The following TMBIM6 variants were observed in gnomAD, a reference collection of about 807,000 sequenced individuals.
TMBIM6 encodes transmembrane BAX inhibitor motif containing 6.
In TMBIM6, 13 loss-of-function variants were observed where a neutral mutation model predicts 31.4. The ratio of observed to expected loss-of-function variants is 0.41; its 90% confidence interval spans 0.27 to 0.66. The LOEUF is 0.66. Among genes scored for constraint, TMBIM6 ranks in the 30% least tolerant of loss-of-function variants. The pLI is 0.28. For missense variants in TMBIM6, 275 were observed against 289.5 expected (o/e 0.95, Z 0.36); for synonymous variants, 85 against 101.7 (o/e 0.84, Z 0.99).
chr12:49,752,588 C>G, intron 2 of TMBIM6, 39 bp downstream of exon 2: 1 of 1,464,218 alleles, frequency 6.8e-7, no homozygotes, highest in East Asian at 2.3e-5. Flanking sequence ...TACTGCATTT[C>G]TTTTCATATC....
intron 1 of TMBIM6, among the ~76,000 whole-genome samples, chr12:49,744,039 T>G (rs1399878148): frequency 2.6e-5 from 4 of 152,188 alleles, no homozygotes; most frequent in African/African-American, 9.7e-5. Context: ...GTGGCAGCAC[T>G]TGTGACACCA....
chr12:49,752,041 G>C (rs1248692489), intron 1 of TMBIM6, among the ~76,000 whole-genome samples: 1 of 152,122 alleles, frequency 6.6e-6, no homozygotes, highest in Admixed American at 6.6e-5. Flanking sequence ...TGGGATTATA[G>C]GCCTCAGTGA....
At position 49,758,473 on chromosome 12, in the gene TMBIM6, T is replaced by G. The variant is rs1945649673; in HGVS notation, c.426T>G (p.Phe142Leu). The change falls in exon 6 of 10, where the codon TTT becomes TTG. Residue 142 changes from phenylalanine (F) to leucine (L), a missense_variant. Transcript: ENST00000267115. ...ATGCCAGGCGCCGTAGCTACCTCTTTCTGGGAGGTAAGTGTGAACTGGGAA... is the reference window on the plus strand; with the variant it reads ...ATGCCAGGCGCCGTAGCTACCTCTTGCTGGGAGGTAAGTGTGAACTGGGAA... ...ALYARRRSYL[F>L]LGGILMSALS... 2.5e-6 allele frequency: 4 copies of G among 1,614,052 alleles called. No homozygotes were observed. The highest frequency in any genetic ancestry group is 2.2e-5 in the East Asian group (1 of 44,892).
intron 1 of TMBIM6, chr12:49,742,111 T>G: frequency 6.2e-7 from 1 of 1,605,060 alleles, no homozygotes; most frequent in Non-Finnish European, 8.5e-7. Context: ...GAGCCAAGAC[T>G]CGAGGTAGGG....
intron 1 of TMBIM6, chr12:49,749,838 C>T (rs1945463281): frequency 6.6e-6 from 1 of 152,170 alleles, no homozygotes; most frequent in South Asian, 2.1e-4. Flanking sequence ...CAATTTCTCC[C>T]AGTGATAGGT....
chr12:49,762,470 C>G (rs570351486), intron 9 of TMBIM6, among the ~76,000 whole-genome samples: 44 of 152,340 alleles, frequency 2.9e-4, no homozygotes, highest in African/African-American at 1.0e-3. Context: ...GAGTCATGCT[C>G]ACTTTGCAGG....
At position 49,758,388 on chromosome 12, in the gene TMBIM6, T is replaced by A; in HGVS notation, c.341T>A (p.Leu114His). The change falls in exon 6 of 10, where the codon CTT becomes CAT. Residue 114 changes from leucine (L) to histidine (H), a missense_variant. Leu to His is a moderately conservative substitution (Grantham distance 99). Transcript: ENST00000267115. ...EFCIAVNPSILPTAFMGTAMI... is the reference protein window; with the variant it reads ...EFCIAVNPSIHPTAFMGTAMI... ...ATGGTCTTTTTTTCTAACAGCATCCTTCCCACTGCTTTCATGGGCACGGCA... is the reference window on the plus strand; with the variant it reads ...ATGGTCTTTTTTTCTAACAGCATCCATCCCACTGCTTTCATGGGCACGGCA... The A allele has an allele frequency of 6.2e-7, 1 of 1,614,238 alleles. No homozygotes were observed. Among genetic ancestry groups the A allele is most frequent in the Non-Finnish European group, 8.5e-7 (1 of 1,180,036 alleles).
At chr12:49,741,739 C>T (rs1945297808) in intron 1 of TMBIM6, 128 bp downstream of exon 1, 1 of 226,890 alleles carries the variant, frequency 4.4e-6, no homozygotes, top group Non-Finnish European at 9.0e-6. Context: ...GAACGAGGCC[C>T]TGCTCGGAGA....
At chr12:49,742,436 AG>A (rs1282553000) in intron 1 of TMBIM6, 1 of 1,064,616 alleles carries the variant, frequency 9.4e-7, no homozygotes, top group Non-Finnish European at 1.3e-6. Context: ...TACTGAGTGT[AG>A]AATTACTACC....
At chr12:49,758,327 C>T (rs895936299) in intron 5 of TMBIM6, 52 bp downstream of exon 5, 1 of 1,613,900 alleles carries the variant, frequency 6.2e-7, no homozygotes. Context: ...AATATACCTT[C>T]TAAATGTAGA....
At chr12:49,759,149 C>A in intron 7 of TMBIM6, 72 bp from the exon 8 acceptor site, 1 of 1,307,800 alleles carries the variant, frequency 7.6e-7, no homozygotes, top group Non-Finnish European at 1.1e-6. Context: ...GACTATGAGC[C>A]AGAAAGTATG....
intron 1 of TMBIM6, 49 bp from the exon 2 acceptor site, chr12:49,752,415 C>G: frequency 1.7e-6 from 2 of 1,169,104 alleles, no homozygotes; most frequent in Non-Finnish European, 2.4e-6. Context: ...ATAAGCTGTT[C>G]GTGTGATTCT....
At chr12:49,746,544 G>A (rs1945397637) in intron 1 of TMBIM6, among the ~76,000 whole-genome samples, 1 of 152,124 alleles carries the variant, frequency 6.6e-6, no homozygotes, top group Non-Finnish European at 1.5e-5. Flanking sequence ...GCAACCTTAG[G>A]AAATAAGGAT....
chr12:49,763,874 T>A lies in TMBIM6; in HGVS notation c.*978T>A, dbSNP rs982289011. ...GGGGCAGCAGGGAGCAAAATCTCCT[T>A]TAACAACCAAGCAGTTCCTCATTCA... On this transcript the variant is annotated 3_prime_UTR_variant, in exon 10 of 10. Coordinates refer to ENST00000267115, the MANE Select transcript of TMBIM6 (RefSeq NM_003217.3). 6.6e-6 allele frequency: 1 copy of A among 152,132 alleles called. No homozygotes were observed. The highest frequency in any genetic ancestry group is 1.5e-5 in the Non-Finnish European group (1 of 68,052). 9.4% of individuals were successfully genotyped at this position (152,132 alleles called of 1,614,324 possible).
At chr12:49,759,718 A>C (rs1945675755) in intron 8 of TMBIM6, among the ~76,000 whole-genome samples, 1 of 151,900 alleles carries the variant, frequency 6.6e-6, no homozygotes, top group Non-Finnish European at 1.5e-5. Context: ...AAGGTATAAG[A>C]ATCATTTGAA....
intron 4 of TMBIM6, 53 bp from the exon 5 acceptor site, chr12:49,758,174 A>C: frequency 6.2e-7 from 1 of 1,605,420 alleles, no homozygotes; most frequent in Non-Finnish European, 8.5e-7. Flanking sequence ...TTGGATGAGG[A>C]TCCTATTCAA....
intron 3 of TMBIM6, among the ~76,000 whole-genome samples, chr12:49,753,771 C>CA (rs1375046623): frequency 2.0e-5 from 3 of 152,166 alleles, no homozygotes; most frequent in Non-Finnish European, 4.4e-5. Context: ...TTTAGACACT[C>CA]AAAGGATAGG....
intron 3 of TMBIM6, among the ~76,000 whole-genome samples, chr12:49,753,984 A>G (rs1945543148): frequency 6.6e-6 from 1 of 150,966 alleles, no homozygotes; most frequent in Non-Finnish European, 1.5e-5. Flanking sequence ...TTTTGCAGAC[A>G]GTCACAGAGT....
chr12:49,760,533 CT>C (rs35862867), intron 8 of TMBIM6, among the ~76,000 whole-genome samples: 1,225 of 93,486 alleles, frequency 0.013, 15 homozygotes, highest in African/African-American at 0.045. Flanking sequence ...TGCCCAGCCA[CT>C]TTTTTTTTTT....
Sources: gnomAD v4.1 joint callset for allele counts (sites outside exome capture counted in the v4.1 genomes callset) on GRCh38, gnomAD v4.1.1 for gene constraint, MANE v1.5 for transcripts, NCBI Gene and HGNC (gene_info 2026-07-23, HGNC 2026-07-21) for gene names.